PRPF8: variants seen among roughly 807,000 people sequenced by gnomAD.
PRPF8 encodes the protein pre-mRNA-processing-splicing factor 8.
A neutral mutation model predicts 285.9 loss-of-function variants in PRPF8; 64 were observed. That is an observed-to-expected ratio of 0.22 (90% CI 0.18 to 0.28). The LOEUF is 0.28. Among genes scored for constraint, PRPF8 ranks in the 10% least tolerant of loss-of-function variants. PRPF8 has a pLI of 1.00. For synonymous variants in PRPF8, 1,325 were observed against 1,118.2 expected (o/e 1.18, Z -3.69); for missense variants, 1,426 against 3,026.7 (o/e 0.47, Z 12.41).
At chr17:1,672,960 A>C in intron 24 of PRPF8, 121 bp downstream of exon 24, 1 of 919,402 alleles carries the variant, frequency 1.1e-6, no homozygotes, top group South Asian at 1.3e-5. Context: ...CAGAGCATGG[A>C]AACTGGCACA....
chr17:1,671,926 T>C (rs1912347595), intron 24 of PRPF8, among the ~76,000 whole-genome samples: 1 of 151,458 alleles, frequency 6.6e-6, no homozygotes, highest in Non-Finnish European at 1.5e-5. Flanking sequence ...CCCAGATACT[T>C]GGGAGGCTGA....
Position 1,659,161 on chromosome 17 carries a change from G to A in PRPF8, c.5138+196C>T, listed in dbSNP as rs1426541459. ...CCACCTCAACCTTCTGAGTAGCTGG[G>A]ACTACAGGCGTGGACCACCACGCCC... is the stretch of plus-strand genomic sequence containing the variant. On this transcript the variant is annotated intron_variant, in intron 32 of 42. Transcript: ENST00000304992. This position sits in a 1 kb window ranked among gnomAD's most constrained non-coding sequence, Gnocchi z 5.1. 7.2e-6 allele frequency: 5 copies of A among 690,722 alleles called. No homozygotes were observed. The highest frequency in any genetic ancestry group is 1.3e-5 in the Non-Finnish European group (5 of 391,382). The allele number at this position is 690,722 out of a possible 1,614,324, so 42.8% of individuals were successfully genotyped here. A position where few individuals can be genotyped will look rare whatever the true frequency, so the allele number is the denominator to read the frequency against.
intron 24 of PRPF8, among the ~76,000 whole-genome samples, chr17:1,669,124 C>T (rs28370295): frequency 0.18 from 27,910 of 151,998 alleles, 5,378 homozygotes; most frequent in African/African-American, 0.49. Context: ...TTCTTTTCTT[C>T]GAGACGGAGT....
Position 1,653,410 on chromosome 17 carries a change from G to T in PRPF8, c.6369+132C>A. 1 of 1,303,324 alleles carries T rather than the reference G, an allele frequency of 7.7e-7. No individual in the cohort carries two copies. 80.7% of individuals were successfully genotyped at this position (1,303,324 alleles called of 1,614,324 possible). A position where few individuals can be genotyped will look rare whatever the true frequency, so the allele number is the denominator to read the frequency against. The stretch of plus-strand genomic sequence containing the variant: ...GGCCAAAACCCACCTCGTTGTTTTG[G>T]CTATCCTTGTATAATTACTCATCCA... On this transcript the variant is annotated intron_variant, in intron 39 of 42. Coordinates refer to ENST00000304992, the MANE Select transcript of PRPF8 (RefSeq NM_006445.4). This position sits in a 1 kb window ranked among gnomAD's most constrained non-coding sequence, Gnocchi z 4.9.
chr17:1,676,874 GAA>G lies in PRPF8; in HGVS notation c.2181+100_2181+101del, dbSNP rs998935202. The G allele has an allele frequency of 4.7e-5, 71 of 1,519,350 alleles. No individual in the cohort carries two copies. In the Admixed American group the frequency reaches 8.5e-4, roughly 18 times the overall value. The allele number at this position is 1,519,350 out of a possible 1,614,324, so 94.1% of individuals were successfully genotyped here. A position where few individuals can be genotyped will look rare whatever the true frequency, so the allele number is the denominator to read the frequency against. On this transcript the variant is annotated intron_variant, in intron 15 of 42. Transcript: ENST00000304992. This position sits in a 1 kb window ranked among gnomAD's most constrained non-coding sequence, Gnocchi z 6.3. ...TCTTTTCCCTGTCTAAAAGGGAAAA[GAA>G]AAGAGATTGGAGCCAGATAGCCCCC...
chr17:1,681,152 C>T, intron 6 of PRPF8, 98 bp from the exon 7 acceptor site: 1 of 1,352,158 alleles, frequency 7.4e-7, no homozygotes, highest in Non-Finnish European at 1.0e-6. Context: ...GATCATCGTT[C>T]ACTGCAGCCG....
Position 1,659,681 on chromosome 17 carries a change from A to C in PRPF8, c.4947-133T>G, listed in dbSNP as rs1911581157. The C allele has an allele frequency of 7.3e-7, 1 of 1,370,292 alleles. No homozygotes were observed. 84.9% of individuals were successfully genotyped at this position (1,370,292 alleles called of 1,614,324 possible). On this transcript the variant is annotated intron_variant, in intron 31 of 42. Coordinates refer to ENST00000304992, the MANE Select transcript of PRPF8 (RefSeq NM_006445.4). The surrounding 1 kb of genome is among the most constrained non-coding windows in gnomAD (Gnocchi z 5.1). ...GTTCCAGGTCAGCAGGACCCCAGAG[A>C]ATCAGCAGATCTGACTAAGGGTGTT...
chr17:1,659,815 C>A lies in PRPF8; in HGVS notation c.4946+26G>T. ...AGGAAAACGAAAGTGTCCTGGCTGC[C>A]TAGGGCTGGGTCCTGAGGCACTTAC... On this transcript the variant is annotated intron_variant, in intron 31 of 42. Transcript: ENST00000304992. This position sits in a 1 kb window ranked among gnomAD's most constrained non-coding sequence, Gnocchi z 5.1. 1 of 1,612,634 alleles carries A rather than the reference C, an allele frequency of 6.2e-7. No homozygotes were observed. Among genetic ancestry groups the A allele is most frequent in the Non-Finnish European group, 8.5e-7 (1 of 1,178,822 alleles).
intron 20 of PRPF8, 144 bp from the exon 21 acceptor site, chr17:1,674,824 T>G (rs545803829): frequency 1.3e-4 from 112 of 888,672 alleles, no homozygotes; most frequent in Non-Finnish European, 1.7e-4. Flanking sequence ...AGGCTGAGAG[T>G]GCACTGGCGC....
At chr17:1,677,782 A>G in intron 13 of PRPF8, 88 bp from the exon 14 acceptor site, 3 of 1,531,750 alleles carry the variant, frequency 2.0e-6, no homozygotes, top group Non-Finnish European at 2.7e-6. Context: ...GCATATATGT[A>G]TAATATACAT....
At chr17:1,657,969 T>TA (rs58695090) in intron 34 of PRPF8, among the ~76,000 whole-genome samples, 3,271 of 93,952 alleles carry the variant, frequency 0.035, 75 homozygotes, top group Middle Eastern at 0.11. Context: ...AGACTCCGGC[T>TA]AAAAAAAAAA....
Position 1,658,884 on chromosome 17 carries a change from G to T in PRPF8, c.5139-121C>A. 1.2e-6 allele frequency: 1 copy of T among 859,126 alleles called. No individual in the cohort carries two copies. 53.2% of individuals were successfully genotyped at this position (859,126 alleles called of 1,614,324 possible). A position where few individuals can be genotyped will look rare whatever the true frequency, so the allele number is the denominator to read the frequency against. ...GCCAGGCTGACAACACTCTGCTCAT[G>T]TGTACATACAGGCTGGAGAAGAGAA... On this transcript the variant is annotated intron_variant, in intron 32 of 42. Coordinates refer to ENST00000304992, the MANE Select transcript of PRPF8 (RefSeq NM_006445.4). The surrounding 1 kb of genome is among the most constrained non-coding windows in gnomAD (Gnocchi z 4.1).
chr17:1,666,319 G>A (rs541606994), intron 24 of PRPF8, among the ~76,000 whole-genome samples: 30 of 152,264 alleles, frequency 2.0e-4, no homozygotes, highest in African/African-American at 7.2e-4. Flanking sequence ...GGAGCCCAGG[G>A]GGGTGGATTA....
chr17:1,684,599 TA>T lies in PRPF8; in HGVS notation c.-11-18del. 1 of 1,610,650 alleles carries T rather than the reference TA, an allele frequency of 6.2e-7. No individual in the cohort carries two copies. The highest frequency in any genetic ancestry group is 8.5e-7 in the Non-Finnish European group (1 of 1,178,794). ...CCGGAGAATCTGGGGAGCGGCGGGA[TA>T]GAAAAATTCACTAACCACAGGCCCG... On this transcript the variant is annotated intron_variant, in intron 1 of 42. Coordinates refer to ENST00000304992, the MANE Select transcript of PRPF8 (RefSeq NM_006445.4).
Position 1,675,496 on chromosome 17 carries a change from A to G in PRPF8, c.2872+124T>C. ...TGGGCTTTTCCTCAGTTTAACACGA[A>G]CACTACTTCCCTTTACTACCACGCA... On this transcript the variant is annotated intron_variant, in intron 19 of 42. Transcript: ENST00000304992. The surrounding 1 kb of genome is among the most constrained non-coding windows in gnomAD (Gnocchi z 6.0). The G allele has an allele frequency of 6.8e-7, 1 of 1,460,350 alleles. No homozygotes were observed. Among genetic ancestry groups the G allele is most frequent in the Non-Finnish European group, 9.6e-7 (1 of 1,044,096 alleles). 90.5% of individuals were successfully genotyped at this position (1,460,350 alleles called of 1,614,324 possible).
intron 24 of PRPF8, among the ~76,000 whole-genome samples, chr17:1,671,377 G>C (rs1473871265): frequency 1.3e-5 from 2 of 152,094 alleles, no homozygotes; most frequent in Non-Finnish European, 2.9e-5. Flanking sequence ...ATGCTCATTG[G>C]GGCATTTCAA....
chr17:1,657,773 C>A (rs1320980659), intron 34 of PRPF8, among the ~76,000 whole-genome samples: 1 of 150,326 alleles, frequency 6.7e-6, no homozygotes, highest in African/African-American at 2.5e-5. Context: ...TCGAGACCAT[C>A]CTGGCTAACA....
chr17:1,665,709 G>A (rs117444837), intron 24 of PRPF8, among the ~76,000 whole-genome samples: 2,609 of 151,836 alleles, frequency 0.017, 34 homozygotes, highest in South Asian at 0.072. Context: ...AGCCGGGTGC[G>A]GTGGCAGGCA....
chr17:1,679,485 T>C lies in PRPF8; in HGVS notation c.1290-75A>G. 2 of 1,600,546 alleles carry C rather than the reference T, an allele frequency of 1.2e-6. No individual in the cohort carries two copies. Among genetic ancestry groups the C allele is most frequent in the Admixed American group, 1.7e-5 (1 of 57,730 alleles). On this transcript the variant is annotated intron_variant, in intron 9 of 42. Transcript: ENST00000304992. This position sits in a 1 kb window ranked among gnomAD's most constrained non-coding sequence, Gnocchi z 4.7. ...CTGCTAAAGGCTGCAAGCCTTGGGT[T>C]GTCTACCATTTTTATGGGAAAAAAA...
Sources: allele counts gnomAD v4.1 joint callset (sites outside exome capture counted in the v4.1 genomes callset), GRCh38; gene constraint gnomAD v4.1.1; non-coding constraint Gnocchi (gnomAD v3.1); transcripts MANE v1.5; gene names NCBI Gene and HGNC (gene_info 2026-07-23, HGNC 2026-07-21).